NEGR1: variants seen among roughly 807,000 people sequenced by gnomAD.
NEGR1 encodes neuronal growth regulator 1, also known as IgLON family member 4.
Under a neutral mutation model 40.9 loss-of-function variants are expected in NEGR1, and 10 were observed. The observed-to-expected ratio is 0.24, with a 90% CI of 0.15 to 0.42. NEGR1 has a LOEUF of 0.42. Ranked by LOEUF, NEGR1 falls within the 10% of genes least tolerant of loss-of-function variation. NEGR1 has a pLI of 1.00. For synonymous variants in NEGR1, 185 were observed against 166.8 expected, an observed-to-expected ratio of 1.11 and a Z score of -0.84; for missense variants, 352 against 438.9, an observed-to-expected ratio of 0.80 and a Z score of 1.77.
At chr1:71,983,084 T>A (rs1046008822) in intron 1 of NEGR1, among the ~76,000 whole-genome samples, 1 of 152,136 alleles carries the variant, frequency 6.6e-6, no homozygotes, top group Non-Finnish European at 1.5e-5. Flanking sequence ...TAAACTATAT[T>A]TAATAGTTTA....
intron 4 of NEGR1, 72 bp from the exon 5 acceptor site, chr1:71,611,218 T>C: frequency 7.3e-7 from 1 of 1,369,638 alleles, no homozygotes; most frequent in Non-Finnish European, 1.0e-6. Flanking sequence ...ATGACACACA[T>C]ATATTTTTAT....
At position 71,915,359 on chromosome 1, in the gene NEGR1, A is replaced by C. The variant is rs150081409; in HGVS notation, c.409+19720T>G. 4.0e-3 allele frequency among the ~76,000 whole-genome samples: 612 copies of C among 152,288 alleles called. 3 individuals carry two copies. The highest frequency in any genetic ancestry group is 0.014 in the African/African-American group (589 of 41,566). On this transcript the variant is annotated intron_variant, in intron 2 of 6. Transcript: ENST00000357731. ...AATAAGCAGCTAATATTTATAACAAAGTTGTTTGACACATCTATTGAATAA... is the reference window on the plus strand; with the variant it reads ...AATAAGCAGCTAATATTTATAACAACGTTGTTTGACACATCTATTGAATAA...
chr1:71,811,188 C>T (rs559658754), intron 2 of NEGR1, among the ~76,000 whole-genome samples: 7 of 152,166 alleles, frequency 4.6e-5, no homozygotes, highest in African/African-American at 1.7e-4. Flanking sequence ...GTAACCATCT[C>T]CATGACGAAA....
intron 2 of NEGR1, among the ~76,000 whole-genome samples, chr1:71,918,552 G>A (rs1042543760): frequency 6.6e-6 from 1 of 152,096 alleles, no homozygotes; most frequent in Admixed American, 6.5e-5. Flanking sequence ...GTTCAGAGCA[G>A]ACTTAAAGTA....
intron 1 of NEGR1, among the ~76,000 whole-genome samples, chr1:72,074,700 C>A (rs1005067799): frequency 6.6e-6 from 1 of 152,096 alleles, no homozygotes; most frequent in African/African-American, 2.4e-5. Context: ...ATTAATGCCT[C>A]ATGAACTTTC....
At chr1:72,105,245 T>C (rs552459339) in intron 1 of NEGR1, among the ~76,000 whole-genome samples, 83 of 152,226 alleles carry the variant, frequency 5.5e-4, no homozygotes, top group Non-Finnish European at 1.0e-3. Context: ...CTAATCCACT[T>C]TGAGAATAAA....
chr1:72,146,546 C>T (rs1219487956), intron 1 of NEGR1, among the ~76,000 whole-genome samples: 2 of 151,656 alleles, frequency 1.3e-5, no homozygotes, highest in Non-Finnish European at 2.9e-5. Flanking sequence ...CCCATATATA[C>T]AAACTTTGTT....
intron 6 of NEGR1, among the ~76,000 whole-genome samples, chr1:71,424,486 G>A (rs1000700516): frequency 6.6e-6 from 1 of 152,172 alleles, no homozygotes; most frequent in Non-Finnish European, 1.5e-5. Flanking sequence ...TGGTTACTCA[G>A]TCAAGCACTA....
At chr1:71,626,466 G>GT (rs1248045729) in intron 4 of NEGR1, among the ~76,000 whole-genome samples, 1 of 150,616 alleles carries the variant, frequency 6.6e-6, no homozygotes, top group South Asian at 2.1e-4. Context: ...GCAGTGTTTG[G>GT]TTTTTTGTCC....
intron 6 of NEGR1, chr1:71,476,730 C>CATATTAATACTGGGACTACATGTTAT (rs1312895641): frequency 6.6e-6 from 1 of 152,080 alleles, no homozygotes; most frequent in Non-Finnish European, 1.5e-5. Flanking sequence ...AATGTTGTTA[C>CATATTAATACTGGGACTACATGTTAT]ATATTAATAC....
chr1:71,568,847 TGTG>T (rs1557570386), intron 6 of NEGR1, among the ~76,000 whole-genome samples: 2 of 151,556 alleles, frequency 1.3e-5, no homozygotes, highest in African/African-American at 4.8e-5. Context: ...TGTGTGTGTG[TGTG>T]TGTGTGTGTG....
At chr1:71,823,369 T>C (rs1310022038) in intron 2 of NEGR1, among the ~76,000 whole-genome samples, 1 of 151,980 alleles carries the variant, frequency 6.6e-6, no homozygotes, top group African/African-American at 2.4e-5. Context: ...ACCATATCCA[T>C]GATAACCTTG....
intron 6 of NEGR1, chr1:71,468,649 A>G (rs1298049791): frequency 6.6e-6 from 1 of 152,022 alleles, no homozygotes; most frequent in African/African-American, 2.4e-5. Flanking sequence ...TTTTTTATGA[A>G]ACTACCCTCA....
intron 3 of NEGR1, among the ~76,000 whole-genome samples, chr1:71,749,171 A>T (rs534634307): frequency 2.1e-4 from 32 of 152,324 alleles, no homozygotes; most frequent in Non-Finnish European, 3.7e-4. Context: ...ATGGAAGAGG[A>T]TGTTTAACTA....
chr1:72,154,269 G>C (rs1423880449), intron 1 of NEGR1, among the ~76,000 whole-genome samples: 2 of 151,786 alleles, frequency 1.3e-5, no homozygotes, highest in African/African-American at 4.8e-5. Context: ...TGTCAGGAAT[G>C]TATTTCAACC....
chr1:71,571,128 T>G (rs1648795396), intron 6 of NEGR1: 1 of 152,222 alleles, frequency 6.6e-6, no homozygotes, highest in Admixed American at 6.5e-5. Flanking sequence ...AAATTCATAT[T>G]AGAAAGTAGG....
intron 1 of NEGR1, among the ~76,000 whole-genome samples, chr1:72,269,173 T>A (rs1031242774): frequency 6.6e-6 from 1 of 151,736 alleles, no homozygotes; most frequent in Admixed American, 6.6e-5. Context: ...TATTCATTGA[T>A]GGCAATTAAA....
At chr1:71,745,026 G>A (rs1337075668) in intron 3 of NEGR1, among the ~76,000 whole-genome samples, 1 of 152,078 alleles carries the variant, frequency 6.6e-6, no homozygotes, top group Non-Finnish European at 1.5e-5. Flanking sequence ...TCCATTATAT[G>A]ACTGTGACTC....
intron 4 of NEGR1, among the ~76,000 whole-genome samples, chr1:71,612,340 G>T (rs970622157): frequency 6.6e-6 from 1 of 152,126 alleles, no homozygotes; most frequent in African/African-American, 2.4e-5. Flanking sequence ...TTCATTCTTT[G>T]TATATTCCAA....
Sources: gnomAD v4.1 joint callset for allele counts (sites outside exome capture counted in the v4.1 genomes callset) on GRCh38, gnomAD v4.1.1 for gene constraint, MANE v1.5 for transcripts, NCBI Gene and HGNC (gene_info 2026-07-23, HGNC 2026-07-21) for gene names.